The following RUNX1T1 variants were observed in gnomAD, a reference collection of about 807,000 sequenced individuals.
RUNX1T1 encodes RUNX1 partner transcriptional co-repressor 1, also known as protein CBFA2T1.
Under a neutral mutation model 62.8 loss-of-function variants are expected in RUNX1T1, and 4 were observed. The observed-to-expected ratio is 0.06, with a 90% CI of 0.03 to 0.15. RUNX1T1 has a LOEUF of 0.15. Ranked by LOEUF, RUNX1T1 falls within the 10% of genes least tolerant of loss-of-function variation. The pLI, the probability that RUNX1T1 is intolerant of heterozygous loss-of-function variation, is 1.00. For missense variants in RUNX1T1, 508 were observed against 754.3 expected (o/e 0.67, Z 3.82); for synonymous variants, 291 against 286.0 (o/e 1.02, Z -0.18).
exon 5 of RUNX1T1, chr8:92,005,150 C>T (rs1241091170): frequency 1.2e-6 from 2 of 1,612,574 alleles, no homozygotes; most frequent in African/African-American, 1.3e-5. Flanking sequence ...TTTTCGTTCA[C>T]ATCGAGAAGC....
chr8:92,058,756 A>G (rs1831442879), intron 1 of RUNX1T1, among the ~76,000 whole-genome samples: 1 of 152,316 alleles, frequency 6.6e-6, no homozygotes, highest in South Asian at 2.1e-4. Flanking sequence ...TAATTACAGC[A>G]TCTTCTTTGC....
upstream of RUNX1T1, among the ~76,000 whole-genome samples, chr8:92,064,520 C>G (rs1587423830): frequency 2.0e-5 from 3 of 152,132 alleles, no homozygotes; most frequent in South Asian, 6.2e-4. Context: ...CAATTAAGTC[C>G]TGCTATAAGG....
chr8:91,967,205 T>G (rs1251493372), intron 10 of RUNX1T1, among the ~76,000 whole-genome samples: 1 of 152,150 alleles, frequency 6.6e-6, no homozygotes, highest in Non-Finnish European at 1.5e-5. Flanking sequence ...TCGTAGGTCG[T>G]CTTATTTCAT....
At chr8:92,102,791 T>C (rs1240730590), upstream of RUNX1T1, 5 of 1,437,312 alleles carry the variant, frequency 3.5e-6, no homozygotes, top group Admixed American at 1.0e-4. This position sits in a 1 kb window ranked among gnomAD's most constrained non-coding sequence, Gnocchi z 4.5. Context: ...GGAACAGTAA[T>C]TAATAACAGT....
chr8:92,017,386 T>C (rs1447742405), intron 1 of RUNX1T1, 23 bp from the exon 3 acceptor site: 13 of 1,614,024 alleles, frequency 8.1e-6, no homozygotes, highest in African/African-American at 1.3e-5. Context: ...ACCAGGAACA[T>C]ATTATTTTAC....
exon 1 of RUNX1T1, chr8:92,099,613 G>A (rs1837948523): frequency 5.1e-6 from 5 of 984,978 alleles, no homozygotes; most frequent in African/African-American, 1.7e-5. Flanking sequence ...AACTGACTCC[G>A]TTTTTTTCAC....
chr8:92,023,072 T>A (rs1304773724), intron 1 of RUNX1T1, among the ~76,000 whole-genome samples: 1 of 152,272 alleles, frequency 6.6e-6, no homozygotes, highest in East Asian at 1.9e-4. Context: ...AGGTGGGTGA[T>A]GTGATTCGAT....
chr8:91,991,527 G>A (rs935220130), intron 6 of RUNX1T1, 112 bp downstream of exon 7: 46 of 1,163,980 alleles, frequency 4.0e-5, no homozygotes, highest in Non-Finnish European at 5.5e-5. Flanking sequence ...AGCAAGATAT[G>A]AGAATCTTCA....
At chr8:92,007,970 A>C (rs1440151699) in intron 4 of RUNX1T1, among the ~76,000 whole-genome samples, 1 of 143,540 alleles carries the variant, frequency 7.0e-6, no homozygotes, top group East Asian at 1.9e-4. Flanking sequence ...TTTGTTTCAA[A>C]AAAAAAAAAA....
chr8:92,014,282 T>C (rs1252296602), intron 3 of RUNX1T1, among the ~76,000 whole-genome samples: 8 of 149,468 alleles, frequency 5.4e-5, no homozygotes, highest in East Asian at 3.9e-4. Flanking sequence ...CACGTGCACA[T>C]ACACACACAC....
chr8:92,039,038 G>A (rs898665584), intron 1 of RUNX1T1, among the ~76,000 whole-genome samples: 1 of 152,070 alleles, frequency 6.6e-6, no homozygotes, highest in Non-Finnish European at 1.5e-5. Flanking sequence ...GACCTCAGGG[G>A]CTCCATCCAC....
chr8:92,037,713 G>A (rs1827684090), intron 1 of RUNX1T1, among the ~76,000 whole-genome samples: 1 of 151,992 alleles, frequency 6.6e-6, no homozygotes, highest in Non-Finnish European at 1.5e-5. Flanking sequence ...AAAATCCTCT[G>A]CTTTAAAAGC....
At chr8:92,007,560 G>A (rs1821025968) in intron 4 of RUNX1T1, among the ~76,000 whole-genome samples, 2 of 151,972 alleles carry the variant, frequency 1.3e-5, no homozygotes, top group Middle Eastern at 3.4e-3. Flanking sequence ...ATTTCGTCAC[G>A]CAAACATCAA....
chr8:92,027,746 G>A (rs1424473015), intron 1 of RUNX1T1, among the ~76,000 whole-genome samples: 1 of 152,094 alleles, frequency 6.6e-6, no homozygotes, highest in East Asian at 1.9e-4. Context: ...GGTCTTTAAT[G>A]GGAGTGAACT....
intron 1 of RUNX1T1, chr8:92,095,729 A>C: frequency 1.8e-6 from 1 of 564,434 alleles, no homozygotes; most frequent in Non-Finnish European, 2.8e-6. Flanking sequence ...TGGGGCCAGA[A>C]AGTGGGGGAG....
Position 92,007,967 on chromosome 8 carries a change from CAAAAAAAAAA to C in RUNX1T1, c.478-2680_478-2671del, listed in dbSNP as rs34232877. On this transcript the variant is annotated intron_variant, in intron 4 of 10. Coordinates refer to ENST00000396218, the Ensembl canonical transcript of RUNX1T1. ...TGGGTAACAGAGCGAGACTTTGTTT[CAAAAAAAAAA>C]AAAAAAAAAAGAAAGAAAGAAAAAG... Among the ~76,000 whole-genome samples the C allele has an allele frequency of 5.9e-5, 5 of 85,404 alleles. No individual in the cohort carries two copies. The South Asian group carries it at 1.4e-3, about 24-fold the overall frequency. 56.0% of individuals were successfully genotyped at this position (85,404 alleles called of 152,430 possible).
At chr8:92,058,277 T>G (rs990959117) in intron 1 of RUNX1T1, among the ~76,000 whole-genome samples, 4 of 152,200 alleles carry the variant, frequency 2.6e-5, no homozygotes, top group Non-Finnish European at 5.9e-5. Context: ...AACTTTCTGT[T>G]GTCGTAGCCT....
At chr8:91,968,014 AC>A (rs1811999505) in intron 10 of RUNX1T1, among the ~76,000 whole-genome samples, 1 of 152,190 alleles carries the variant, frequency 6.6e-6, no homozygotes, top group Non-Finnish European at 1.5e-5. Context: ...CTTTTAAACA[AC>A]CTTGTAAGGT....
intron 9 of RUNX1T1, among the ~76,000 whole-genome samples, chr8:91,974,358 A>G (rs1307293171): frequency 6.6e-6 from 1 of 152,180 alleles, no homozygotes; most frequent in East Asian, 1.9e-4. Flanking sequence ...GCAGTCAAAC[A>G]AAGACTTGAG....
Sources: allele counts gnomAD v4.1 joint callset (sites outside exome capture counted in the v4.1 genomes callset), GRCh38; gene constraint gnomAD v4.1.1; non-coding constraint Gnocchi (gnomAD v3.1); transcripts MANE v1.5; gene names NCBI Gene and HGNC (gene_info 2026-07-23, HGNC 2026-07-21).